GPATCH2: variants seen among roughly 807,000 people sequenced by gnomAD.
GPATCH2 encodes G-patch domain containing 2, also known as G patch domain-containing protein 2.
A neutral mutation model predicts 58.0 loss-of-function variants in GPATCH2; 51 were observed. The ratio of observed to expected loss-of-function variants is 0.88; its 90% CI spans 0.70 to 1.11. The LOEUF (loss-of-function observed/expected upper bound fraction) is 1.11. GPATCH2 is among the 50% of genes most tolerant of loss of function. GPATCH2 has a pLI of 0.00. For missense variants in GPATCH2, 625 were observed against 652.2 expected (o/e 0.96, Z 0.45); for synonymous variants, 222 against 218.5 (o/e 1.02, Z -0.14).
chr1:217,467,613 G>C (rs1050126122), intron 8 of GPATCH2, among the ~76,000 whole-genome samples: 3 of 151,574 alleles, frequency 2.0e-5, no homozygotes, highest in Admixed American at 6.6e-5. Flanking sequence ...GTTGGAAAAA[G>C]ATTAAAATCA....
At chr1:217,550,127 G>C (rs1665276138) in intron 5 of GPATCH2, among the ~76,000 whole-genome samples, 1 of 152,034 alleles carries the variant, frequency 6.6e-6, no homozygotes, top group East Asian at 1.9e-4. Context: ...ATTTAGTGAT[G>C]AGACTCTGGG....
At chr1:217,454,696 T>G (rs1473837989) in intron 8 of GPATCH2, among the ~76,000 whole-genome samples, 1 of 151,698 alleles carries the variant, frequency 6.6e-6, no homozygotes, top group South Asian at 2.1e-4. Flanking sequence ...CACTGTGACT[T>G]CTGCCTCTTG....
intron 5 of GPATCH2, among the ~76,000 whole-genome samples, chr1:217,532,827 A>G (rs1664258057): frequency 6.6e-6 from 1 of 151,884 alleles, no homozygotes; most frequent in Admixed American, 6.6e-5. Context: ...GAGGTCAGAG[A>G]ACAGAAGAGG....
intron 9 of GPATCH2, among the ~76,000 whole-genome samples, chr1:217,433,652 T>C (rs1300022170): frequency 6.6e-6 from 1 of 152,132 alleles, no homozygotes; most frequent in Non-Finnish European, 1.5e-5. Flanking sequence ...TGCCTTAGCC[T>C]CCCAAAGTTC....
At chr1:217,438,384 G>A (rs745445756) in intron 9 of GPATCH2, among the ~76,000 whole-genome samples, 24 of 152,244 alleles carry the variant, frequency 1.6e-4, no homozygotes, top group Non-Finnish European at 2.5e-4. Flanking sequence ...ATGAGTTTGA[G>A]GAATTGACAG....
At position 217,431,193 on chromosome 1, in the gene GPATCH2, T is replaced by C. The variant is rs115872542; in HGVS notation, c.1539A>G (p.Pro513=). The change falls in exon 10 of 10, where the codon CCA becomes CCG. Residue 513 remains proline, a synonymous_variant. Transcript: ENST00000366935. ...GGGTAGTAGTTGCGGAAGTACTTTT[T>C]GGTAGAGGAAATCCAAGTCCTAATC... ...PKGLGLGFPL[P]KSTSATTTPN... The C allele has an allele frequency of 1.4e-3, 2,326 of 1,608,022 alleles. 32 individuals are homozygous for C. In the African/African-American group the frequency reaches 0.026, roughly 18 times the overall value.
intron 5 of GPATCH2, chr1:217,608,261 C>A (rs1668455358): frequency 1.0e-6 from 1 of 975,924 alleles, no homozygotes; most frequent in Admixed American, 6.2e-5. Flanking sequence ...AAGGACAATT[C>A]AGGGTTGAAA....
At chr1:217,605,930 G>T (rs1668341031) in intron 5 of GPATCH2, among the ~76,000 whole-genome samples, 1 of 151,992 alleles carries the variant, frequency 6.6e-6, no homozygotes, top group African/African-American at 2.4e-5. Context: ...CTGGATAATA[G>T]CCTCCACATA....
intron 6 of GPATCH2, among the ~76,000 whole-genome samples, chr1:217,509,273 G>A (rs1026459560): frequency 1.3e-5 from 2 of 152,048 alleles, no homozygotes; most frequent in Non-Finnish European, 2.9e-5. Flanking sequence ...CCTGGGAGGC[G>A]GAAGTTGCAG....
intron 5 of GPATCH2, among the ~76,000 whole-genome samples, chr1:217,548,063 G>A (rs1571899038): frequency 6.6e-6 from 1 of 152,152 alleles, no homozygotes; most frequent in African/African-American, 2.4e-5. Flanking sequence ...AGCCTGTGGA[G>A]CTGTGAGTCA....
chr1:217,455,124 GT>G (rs1028044538), intron 8 of GPATCH2, among the ~76,000 whole-genome samples: 15 of 152,104 alleles, frequency 9.9e-5, no homozygotes, highest in African/African-American at 3.1e-4. Context: ...GCAAGAGGTG[GT>G]TTAAGTTTTA....
chr1:217,560,577 T>C (rs1178127201), intron 5 of GPATCH2, among the ~76,000 whole-genome samples: 4 of 152,202 alleles, frequency 2.6e-5, no homozygotes, highest in Non-Finnish European at 5.9e-5. Flanking sequence ...AAACATTAAG[T>C]GAATATGCAA....
chr1:217,597,988 G>A (rs1443089175), intron 5 of GPATCH2, among the ~76,000 whole-genome samples: 1 of 152,138 alleles, frequency 6.6e-6, no homozygotes, highest in Non-Finnish European at 1.5e-5. Flanking sequence ...ACATAAAAGG[G>A]CAAAATTAAA....
chr1:217,613,906 T>C (rs1668751299), intron 3 of GPATCH2, among the ~76,000 whole-genome samples: 2 of 152,168 alleles, frequency 1.3e-5, no homozygotes, highest in South Asian at 2.1e-4. Context: ...AATCCTTCCT[T>C]AATATTATTA....
At chr1:217,448,861 G>A (rs975847782) in intron 9 of GPATCH2, among the ~76,000 whole-genome samples, 1 of 152,152 alleles carries the variant, frequency 6.6e-6, no homozygotes, top group East Asian at 1.9e-4. Flanking sequence ...GGGGTCTTGT[G>A]TTTTGGGGCT....
At chr1:217,484,250 A>C (rs1661345009) in intron 8 of GPATCH2, among the ~76,000 whole-genome samples, 1 of 152,158 alleles carries the variant, frequency 6.6e-6, no homozygotes, top group South Asian at 2.1e-4. Context: ...AGAACACAAA[A>C]AGGATGAGTA....
In GPATCH2 at chr1:217,601,960, C is replaced by T. The variant is rs189883472; in HGVS notation, c.1098+8361G>A. Reference sequence around the variant, plus strand: ...CCTAGTATCAAAAATCTTTGTTAAACGAGTGGATGTCATGCAAGAGTTGAT... The same window carrying T: ...CCTAGTATCAAAAATCTTTGTTAAATGAGTGGATGTCATGCAAGAGTTGAT... On this transcript the variant is annotated intron_variant, in intron 5 of 9. Transcript: ENST00000366935. Among the ~76,000 whole-genome samples, 44 of 152,156 alleles carry T rather than the reference C, an allele frequency of 2.9e-4. No individual in the cohort carries two copies. In the East Asian group the frequency reaches 7.0e-3, roughly 24 times the overall value.
intron 5 of GPATCH2, among the ~76,000 whole-genome samples, chr1:217,545,217 A>G (rs531519075): frequency 2.6e-5 from 4 of 152,376 alleles, no homozygotes; most frequent in Admixed American, 2.6e-4. Context: ...TGGCTGAGGT[A>G]GCCCAGAAAT....
chr1:217,498,051 C>A (rs998758816), intron 7 of GPATCH2: 3 of 483,928 alleles, frequency 6.2e-6, no homozygotes, highest in African/African-American at 2.0e-5. Flanking sequence ...TGTTTTGATA[C>A]CTTAACTTTG....
Sources: gnomAD v4.1 joint callset for allele counts (sites outside exome capture counted in the v4.1 genomes callset) on GRCh38, gnomAD v4.1.1 for gene constraint, MANE v1.5 for transcripts, NCBI Gene and HGNC (gene_info 2026-07-23, HGNC 2026-07-21) for gene names.